The following GFUS variants were observed in gnomAD, a reference collection of about 807,000 sequenced individuals.
GFUS encodes 3-5 epimerase/4-reductase.
In GFUS, 42 loss-of-function variants were observed where a neutral mutation model predicts 41.5. The observed-to-expected ratio is 1.01, with a 90% confidence interval of 0.79 to 1.31. The LOEUF (loss-of-function observed/expected upper bound fraction) is 1.31. GFUS is among the 50% of genes most tolerant of loss of function. The pLI is 0.00. For missense variants in GFUS, 437 were observed against 428.7 expected, an observed-to-expected ratio of 1.02 and a Z score of -0.17; for synonymous variants, 188 against 173.4, an observed-to-expected ratio of 1.08 and a Z score of -0.66.
intron 2 of GFUS, 141 bp from the exon 3 acceptor site, chr8:143,616,361 G>C: frequency 8.7e-7 from 1 of 1,144,352 alleles, no homozygotes; most frequent in Admixed American, 1.8e-5. Context: ...TGATATGAGG[G>C]TGCAGGCTTC....
In GFUS at chr8:143,613,510, G is replaced by T. The variant is rs200101660; in HGVS notation, c.810+14C>A. 5.9e-4 allele frequency: 957 copies of T among 1,609,734 alleles called. No homozygotes were observed. The highest frequency in any genetic ancestry group is 7.5e-4 in the Non-Finnish European group (883 of 1,179,376). ...GGCCCCCGCCCAACCCCCAGCACTG[G>T]AGCCAGAGGATACGGTGACTTCCCC... On this transcript the variant is annotated intron_variant, in intron 9 of 10. Coordinates refer to ENST00000425753, the MANE Select transcript of GFUS (RefSeq NM_003313.4).
chr8:143,616,124 T>C lies in GFUS; in HGVS notation c.243A>G (p.Lys81=). The stretch of plus-strand genomic sequence containing the variant: ...CACTTACCCAGAAGTCCAAATTGTA[T>C]TTGATATTCCGGAACAGGCCCCCCA... ...AMVGGLFRNI[K]YNLDFWRKNV... Residue 81 remains lysine (K), a synonymous_variant, in exon 3 of 11, where the codon AAA becomes AAG. Transcript: ENST00000425753. 1.9e-6 allele frequency: 3 copies of C among 1,603,666 alleles called. No individual in the cohort carries two copies. The highest frequency in any genetic ancestry group is 2.6e-6 in the Non-Finnish European group (3 of 1,173,446).
intron 7 of GFUS, 28 bp from the exon 8 acceptor site, chr8:143,613,845 A>G: frequency 1.9e-6 from 3 of 1,550,132 alleles, no homozygotes; most frequent in African/African-American, 1.4e-5. Flanking sequence ...AGGGTCAGAG[A>G]CCATGGGTAT....
chr8:143,614,565 G>A (rs976161038), intron 5 of GFUS, 59 bp downstream of exon 5: 16 of 1,556,500 alleles, frequency 1.0e-5, no homozygotes, highest in South Asian at 2.4e-5. Flanking sequence ...GGCCCCACCC[G>A]CCCCTGGGGG....
At chr8:143,614,256 C>T in intron 6 of GFUS, 28 bp from the exon 7 acceptor site, 1 of 1,613,572 alleles carries the variant, frequency 6.2e-7, no homozygotes, top group Non-Finnish European at 8.5e-7. Context: ...GAGCAGGTGT[C>T]AGAGGCACTG....
At chr8:143,616,304 T>A in intron 2 of GFUS, 84 bp from the exon 3 acceptor site, 2 of 1,370,718 alleles carry the variant, frequency 1.5e-6, no homozygotes, top group Non-Finnish European at 2.1e-6. Flanking sequence ...TGGGTGGGAC[T>A]ATGGCAGGAG....
In GFUS at chr8:143,613,727, G is replaced by A. The variant is rs373576557; in HGVS notation, c.730+24C>T. On this transcript the variant is annotated intron_variant, in intron 8 of 10. Transcript: ENST00000425753. Reference sequence around the variant, plus strand: ...GGATCCTGTCCTACCATGGAGGAAGGGGGCTGAGGGCTGAGGTACCCACCG... The same window carrying A: ...GGATCCTGTCCTACCATGGAGGAAGAGGGCTGAGGGCTGAGGTACCCACCG... 7.7e-6 allele frequency: 12 copies of A among 1,553,448 alleles called. No individual in the cohort carries two copies. The African/African-American group carries it at 1.6e-4, about 21-fold the overall frequency.
Position 143,614,907 on chromosome 8 carries a change from G to A in GFUS, c.270C>T (p.Asn90=), listed in dbSNP as rs765097142. 183 of 1,607,378 alleles carry A rather than the reference G, an allele frequency of 1.1e-4. No homozygotes were observed. The Middle Eastern group carries it at 1.3e-3, about 12-fold the overall frequency. The change falls in exon 4 of 11, where the codon AAC becomes AAT. Residue 90 remains asparagine, a synonymous_variant. Coordinates refer to ENST00000425753, the MANE Select transcript of GFUS (RefSeq NM_003313.4). ...IKYNLDFWRK[N]VHMNDNVLHS... is the part of the protein sequence containing the mutation. The stretch of plus-strand genomic sequence containing the variant: ...GCAGGACGTTGTCGTTCATGTGCAC[G>A]TTTTTCCTCTGCAGGGGTGAGGCGG...
chr8:143,615,614 G>A (rs933742813), intron 3 of GFUS, among the ~76,000 whole-genome samples: 7 of 152,100 alleles, frequency 4.6e-5, no homozygotes, highest in African/African-American at 1.7e-4. Context: ...CCAACCCTCC[G>A]GAACACAGCT....
chr8:143,613,858 C>A, intron 7 of GFUS, 41 bp from the exon 8 acceptor site: 1 of 1,546,382 alleles, frequency 6.5e-7, no homozygotes, highest in Middle Eastern at 1.7e-4. Context: ...ATGGGTATAG[C>A]CAACCCTCTC....
chr8:143,615,034 C>T (rs960241573), intron 3 of GFUS, 119 bp from the exon 4 acceptor site: 46 of 1,442,776 alleles, frequency 3.2e-5, no homozygotes, highest in Non-Finnish European at 4.1e-5. Flanking sequence ...AGGACCCAAG[C>T]CTGCCCATCC....
At chr8:143,613,173 AG>A in intron 10 of GFUS, 22 bp downstream of exon 10, 1 of 1,609,350 alleles carries the variant, frequency 6.2e-7, no homozygotes, top group Non-Finnish European at 8.5e-7. Flanking sequence ...CACCAAGTGG[AG>A]GGCTGTGGGG....
At chr8:143,616,388 G>T in intron 2 of GFUS, 168 bp from the exon 3 acceptor site, 1 of 1,168,626 alleles carries the variant, frequency 8.6e-7, no homozygotes, top group Non-Finnish European at 1.3e-6. Flanking sequence ...GAGATGGGAG[G>T]GTGTTTGTTT....
intron 10 of GFUS, 42 bp from the exon 11 acceptor site, chr8:143,613,007 G>C: frequency 1.9e-6 from 3 of 1,596,114 alleles, no homozygotes; most frequent in Non-Finnish European, 2.6e-6. Context: ...AGGGAGGGTC[G>C]GGGCCGCATG....
chr8:143,613,706 CCT>C, intron 8 of GFUS, 43 bp downstream of exon 8: 2 of 1,557,724 alleles, frequency 1.3e-6, no homozygotes, highest in Non-Finnish European at 1.7e-6. Context: ...AACCTTGGAT[CCT>C]GTCCTACCAT....
intron 9 of GFUS, 67 bp downstream of exon 9, chr8:143,613,457 A>C: frequency 6.4e-7 from 1 of 1,557,886 alleles, no homozygotes; most frequent in South Asian, 1.1e-5. Flanking sequence ...CTGGCCCTAC[A>C]CCGGGTGGCC....
intron 3 of GFUS, among the ~76,000 whole-genome samples, chr8:143,615,510 G>A (rs1032673241): frequency 6.6e-6 from 1 of 152,180 alleles, no homozygotes; most frequent in Non-Finnish European, 1.5e-5. Flanking sequence ...CAGGGCTCCT[G>A]GGCAGAATCT....
intron 5 of GFUS, 78 bp from the exon 6 acceptor site, chr8:143,614,531 G>A: frequency 1.3e-6 from 2 of 1,563,102 alleles, no homozygotes; most frequent in Non-Finnish European, 8.7e-7. Context: ...TCTTACTGAG[G>A]CTGGCACGAA....
intron 5 of GFUS, 62 bp downstream of exon 5, chr8:143,614,562 C>A (rs1320135004): frequency 2.6e-6 from 4 of 1,558,856 alleles, no homozygotes; most frequent in Non-Finnish European, 3.5e-6. Context: ...GCCGGCCCCA[C>A]CCGCCCCTGG....
Sources: gnomAD v4.1 joint callset for allele counts (sites outside exome capture counted in the v4.1 genomes callset) on GRCh38, gnomAD v4.1.1 for gene constraint, MANE v1.5 for transcripts, NCBI Gene and HGNC (gene_info 2026-07-23, HGNC 2026-07-21) for gene names.